NXN: variants seen among roughly 807,000 people sequenced by gnomAD.
The protein encoded by NXN is nucleoredoxin, also known as nucleoredoxin 1.
In NXN, 16 loss-of-function variants were observed where a neutral mutation model predicts 48.6. The observed-to-expected ratio is 0.33, with a 90% CI of 0.22 to 0.50. NXN has a LOEUF of 0.50. NXN is among the 20% of genes least tolerant of loss of function. The pLI is 0.98. For missense variants in NXN, 492 were observed against 605.5 expected (o/e 0.81, Z 1.97); for synonymous variants, 281 against 269.6 (o/e 1.04, Z -0.41).
intron 1 of NXN, among the ~76,000 whole-genome samples, chr17:854,224 C>G (rs138997961): frequency 6.6e-6 from 1 of 152,192 alleles, no homozygotes; most frequent in Admixed American, 6.5e-5. Flanking sequence ...CCACCGTACT[C>G]GCTCTTCTCA....
chr17:896,860 C>CGGCG, intron 1 of NXN: 2 of 566,100 alleles, frequency 3.5e-6, no homozygotes, highest in Non-Finnish European at 5.5e-6. Context: ...CCTGACCACC[C>CGGCG]GCCCCCGGCC....
chr17:955,887 G>A (rs1012019232), intron 1 of NXN, among the ~76,000 whole-genome samples: 1 of 151,280 alleles, frequency 6.6e-6, no homozygotes, highest in African/African-American at 2.4e-5. Flanking sequence ...GGGCGACAGA[G>A]CGAGACTCCA....
intron 1 of NXN, among the ~76,000 whole-genome samples, chr17:967,936 T>C (rs1399926127): frequency 1.3e-5 from 2 of 150,924 alleles, no homozygotes; most frequent in African/African-American, 2.4e-5. Flanking sequence ...CGCGCCACTG[T>C]ACTCTAGCCC....
chr17:924,467 C>T (rs373465594), intron 1 of NXN, among the ~76,000 whole-genome samples: 7 of 152,220 alleles, frequency 4.6e-5, no homozygotes, highest in Admixed American at 3.9e-4. Context: ...GAACTCCCAA[C>T]CTCAGGTGAT....
intron 1 of NXN, among the ~76,000 whole-genome samples, chr17:924,204 G>A (rs1259144741): frequency 2.0e-5 from 3 of 150,722 alleles, no homozygotes; most frequent in South Asian, 2.1e-4. Context: ...CACCAAACCC[G>A]ACTAATTTTT....
chr17:856,117 C>G (rs368106502), intron 1 of NXN, among the ~76,000 whole-genome samples: 1 of 151,824 alleles, frequency 6.6e-6, no homozygotes, highest in African/African-American at 2.4e-5. Flanking sequence ...CGCTTGAACC[C>G]GGGAGGTGGA....
chr17:894,796 C>G (rs2068458535), intron 1 of NXN, among the ~76,000 whole-genome samples: 1 of 152,162 alleles, frequency 6.6e-6, no homozygotes, highest in African/African-American at 2.4e-5. Flanking sequence ...TTTTGCTAAA[C>G]TGGCTGCTAA....
At chr17:935,358 G>C (rs938407110) in intron 1 of NXN, among the ~76,000 whole-genome samples, 2 of 152,046 alleles carry the variant, frequency 1.3e-5, no homozygotes, top group Non-Finnish European at 2.9e-5. Context: ...GAATCCTCTG[G>C]CACAAAACCC....
In NXN at chr17:819,481, C is replaced by T. The variant is rs1912692442; in HGVS notation, c.778G>A (p.Glu260Lys). The T allele has an allele frequency of 3.7e-6, 6 of 1,614,114 alleles. No homozygotes were observed. The highest frequency in any genetic ancestry group is 3.4e-6 in the Non-Finnish European group (4 of 1,180,010). Residue 260 changes from glutamate to lysine, a missense_variant, in exon 5 of 8, where the codon GAG becomes AAG. Around this residue, in one of 3 missense-constraint regions of NXN, gnomAD observed 303 missense variants for 388.3 expected, o/e 0.78. Transcript: ENST00000336868. ...MPWLAVPYTD[E>K]ARRSRLNRLY... Reference sequence around the variant, plus strand: ...CGGTTGAGGCGCGACCGCCGGGCCTCATCCGTGTAGGGGACGGCGAGCCAG... The same window carrying T: ...CGGTTGAGGCGCGACCGCCGGGCCTTATCCGTGTAGGGGACGGCGAGCCAG...
At chr17:906,983 A>G (rs967736904) in intron 1 of NXN, among the ~76,000 whole-genome samples, 1 of 152,110 alleles carries the variant, frequency 6.6e-6, no homozygotes, top group African/African-American at 2.4e-5. Flanking sequence ...GTCTATAAAC[A>G]TTTTGCACAC....
At chr17:878,610 T>A (rs1164277454) in intron 1 of NXN, among the ~76,000 whole-genome samples, 1 of 152,058 alleles carries the variant, frequency 6.6e-6, no homozygotes, top group Non-Finnish European at 1.5e-5. Context: ...GGCAGTGACG[T>A]GAACAACTGG....
At position 901,031 on chromosome 17, in the gene NXN, G is replaced by A. The variant is rs573736403; in HGVS notation, c.361-74953C>T. Among the ~76,000 whole-genome samples, 5 of 145,966 alleles carry A rather than the reference G, an allele frequency of 3.4e-5. No homozygotes were observed. In the East Asian group the frequency reaches 8.1e-4, roughly 24 times the overall value. On this transcript the variant is annotated intron_variant, in intron 1 of 7. Coordinates refer to ENST00000336868, the MANE Select transcript of NXN (RefSeq NM_022463.5). Reference sequence around the variant, plus strand: ...CACCTCCCGGGTTCAAGTGATTCTCGTGCCTCAGCCTCCCGAGTAGCTGGG... The same window carrying A: ...CACCTCCCGGGTTCAAGTGATTCTCATGCCTCAGCCTCCCGAGTAGCTGGG...
intron 1 of NXN, among the ~76,000 whole-genome samples, chr17:831,791 C>A (rs1448711329): frequency 6.6e-6 from 1 of 151,524 alleles, no homozygotes; most frequent in Non-Finnish European, 1.5e-5. Context: ...TGACCCACTG[C>A]GCCTGGCCTT....
intron 5 of NXN, among the ~76,000 whole-genome samples, chr17:809,939 T>G (rs75550406): frequency 0.13 from 14,231 of 108,424 alleles, 2,407 homozygotes; most frequent in East Asian, 0.22. Flanking sequence ...GTGAGTGGCG[T>G]GTACGTTACG....
chr17:811,162 AGAG>A (rs1180342033), intron 5 of NXN, among the ~76,000 whole-genome samples: 1 of 152,200 alleles, frequency 6.6e-6, no homozygotes, highest in Non-Finnish European at 1.5e-5. Context: ...GAAGGAAAAC[AGAG>A]AAGAGGATTC....
Position 899,584 on chromosome 17 carries a change from G to A in NXN, c.361-73506C>T, listed in dbSNP as rs537955231. Among the ~76,000 whole-genome samples the A allele has an allele frequency of 2.8e-4, 42 of 152,304 alleles. No individual in the cohort carries two copies. In the Middle Eastern group the frequency reaches 0.01, roughly 37 times the overall value. On this transcript the variant is annotated intron_variant, in intron 1 of 7. Coordinates refer to ENST00000336868, the MANE Select transcript of NXN (RefSeq NM_022463.5). Reference sequence around the variant, plus strand: ...GATTCACTCATGATTATATCGTCAGGAATTAGCGCTGAGCCTTAAAAAACA... The same window carrying A: ...GATTCACTCATGATTATATCGTCAGAAATTAGCGCTGAGCCTTAAAAAACA...
intron 1 of NXN, among the ~76,000 whole-genome samples, chr17:939,293 A>C (rs1390357470): frequency 6.6e-6 from 1 of 152,070 alleles, no homozygotes; most frequent in Admixed American, 6.6e-5. Context: ...GTACATATAT[A>C]CACATAGACA....
At chr17:938,898 A>G (rs569936387) in intron 1 of NXN, among the ~76,000 whole-genome samples, 1 of 151,970 alleles carries the variant, frequency 6.6e-6, no homozygotes, top group Non-Finnish European at 1.5e-5. Flanking sequence ...CGTCTCTACT[A>G]AAAATTAGCT....
chr17:938,526 T>C (rs1346708393), intron 1 of NXN, among the ~76,000 whole-genome samples: 1 of 150,520 alleles, frequency 6.6e-6, no homozygotes, highest in Admixed American at 6.6e-5. Context: ...ACTAAAAAAA[T>C]ACAAAACTTA....
Sources: gnomAD v4.1 joint callset for allele counts (sites outside exome capture counted in the v4.1 genomes callset) on GRCh38, gnomAD v4.1.1 for gene constraint, gnomAD v4.1.1 regional missense constraint, MANE v1.5 for transcripts, NCBI Gene and HGNC (gene_info 2026-07-23, HGNC 2026-07-21) for gene names.